Variants in FER observed in about 807,000 individuals in gnomAD.
FER encodes tyrosine-protein kinase Fer.
Under a neutral mutation model 111.0 loss-of-function variants are expected in FER, and 63 were observed. The observed-to-expected ratio is 0.57, with a 90% CI of 0.46 to 0.70. The LOEUF (loss-of-function observed/expected upper bound fraction) is 0.70, where lower values mean the gene tolerates loss of function less well. Ranked by LOEUF, FER falls within the 30% of genes least tolerant of loss-of-function variation. The pLI is 0.00. For missense variants in FER, 914 were observed against 954.0 expected, an observed-to-expected ratio of 0.96 and a Z score of 0.55; for synonymous variants, 327 against 313.9, an observed-to-expected ratio of 1.04 and a Z score of -0.44.
At chr5:108,787,828 G>C (rs527665059) in intron 2 of FER, among the ~76,000 whole-genome samples, 1 of 152,236 alleles carries the variant, frequency 6.6e-6, no homozygotes, top group South Asian at 2.1e-4. Flanking sequence ...CTGCAGAAAG[G>C]ACCTACCCAC....
rs759093787 is a variant in FER, at chr5:109,097,450, A to G, written c.1925-2946A>G. On this transcript the variant is annotated intron_variant, in intron 16 of 19. Transcript: ENST00000281092. The stretch of plus-strand genomic sequence containing the variant: ...TTTGAGCACCAAGATCCTTATTGCA[A>G]TGGTCAGGTAGGATACTGTATGCTA... 1.5e-4 allele frequency among the ~76,000 whole-genome samples: 23 copies of G among 152,062 alleles called. 1 individual carries two copies. The highest frequency in any genetic ancestry group is 2.2e-4 in the Non-Finnish European group (15 of 67,884).
Position 108,906,571 on chromosome 5 carries a change from T to A in FER, c.1236+8723T>A, listed in dbSNP as rs112333963. ...TTTCAAATATTTTTAGTGTTACTAG[T>A]TTATTAGAAGTCTGCTTTTTTCCTT... On this transcript the variant is annotated intron_variant, in intron 10 of 19. Transcript: ENST00000281092. Among the ~76,000 whole-genome samples, 785 of 152,234 alleles carry A rather than the reference T, an allele frequency of 5.2e-3. 6 individuals are homozygous for A. The highest frequency in any genetic ancestry group is 0.018 in the African/African-American group (731 of 41,556).
At chr5:109,004,825 T>A (rs558335486) in intron 13 of FER, among the ~76,000 whole-genome samples, 10 of 152,330 alleles carry the variant, frequency 6.6e-5, no homozygotes, top group Non-Finnish European at 1.0e-4. Context: ...TTAGGTTGTT[T>A]GTTTCATTTG....
intron 14 of FER, among the ~76,000 whole-genome samples, chr5:109,042,824 G>C: frequency 6.6e-6 from 1 of 152,140 alleles, no homozygotes; most frequent in East Asian, 1.9e-4. Flanking sequence ...ACGTATTTAG[G>C]GATCACTATG....
intron 13 of FER, among the ~76,000 whole-genome samples, chr5:109,026,768 T>G (rs1768799283): frequency 6.6e-6 from 1 of 152,166 alleles, no homozygotes; most frequent in Non-Finnish European, 1.5e-5. Context: ...AACTTCCGCC[T>G]CCCGGGTTCA....
intron 17 of FER, among the ~76,000 whole-genome samples, chr5:109,179,546 T>C (rs1758057033): frequency 6.6e-6 from 1 of 152,196 alleles, no homozygotes; most frequent in Non-Finnish European, 1.5e-5. Context: ...CAAGCTCCAC[T>C]TGGTTATTTG....
At chr5:108,898,885 C>T (rs971270656) in intron 10 of FER, among the ~76,000 whole-genome samples, 1 of 151,810 alleles carries the variant, frequency 6.6e-6, no homozygotes, top group Non-Finnish European at 1.5e-5. Flanking sequence ...CAGCCCCTCC[C>T]TTCACACTCC....
intron 13 of FER, among the ~76,000 whole-genome samples, chr5:108,983,666 G>C (rs1484073415): frequency 6.6e-6 from 1 of 152,070 alleles, no homozygotes; most frequent in Non-Finnish European, 1.5e-5. Flanking sequence ...TTACTCATCT[G>C]AAGTCTGTGG....
At chr5:109,033,063 C>T (rs1392450287) in intron 13 of FER, among the ~76,000 whole-genome samples, 1 of 152,192 alleles carries the variant, frequency 6.6e-6, no homozygotes, top group African/African-American at 2.4e-5. Context: ...CAACTCTATT[C>T]ATTCCTATTG....
intron 13 of FER, among the ~76,000 whole-genome samples, chr5:109,009,722 G>T (rs1434772388): frequency 1.3e-5 from 2 of 152,172 alleles, no homozygotes; most frequent in Non-Finnish European, 1.5e-5. Flanking sequence ...TGTTTCTCAT[G>T]ATTCTTTGGG....
chr5:108,963,900 T>C (rs569199190), intron 13 of FER, among the ~76,000 whole-genome samples: 7 of 152,334 alleles, frequency 4.6e-5, no homozygotes, highest in South Asian at 2.1e-4. Context: ...ACATCTGATA[T>C]AGCTTGCCTT....
chr5:108,945,767 T>A (rs1756903593), intron 10 of FER, among the ~76,000 whole-genome samples: 1 of 152,070 alleles, frequency 6.6e-6, no homozygotes, highest in Non-Finnish European at 1.5e-5. Flanking sequence ...TCCGAAATAG[T>A]CTGTTAAATA....
At chr5:108,780,875 G>T (rs1372062786) in intron 2 of FER, among the ~76,000 whole-genome samples, 1 of 149,294 alleles carries the variant, frequency 6.7e-6, no homozygotes, top group Admixed American at 6.7e-5. Flanking sequence ...TATCTATTGG[G>T]ATATCCCTTA....
chr5:108,879,701 A>AAAAAAT, intron 8 of FER, among the ~76,000 whole-genome samples: 5 of 99,096 alleles, frequency 5.0e-5, no homozygotes, highest in East Asian at 2.2e-4. Flanking sequence ...ATTAAAAAAA[A>AAAAAAT]ATATATATAT....
At chr5:108,852,128 A>G (rs1762598311) in intron 5 of FER, among the ~76,000 whole-genome samples, 2 of 152,252 alleles carry the variant, frequency 1.3e-5, no homozygotes, top group South Asian at 2.1e-4. Flanking sequence ...CTAAGCAGAC[A>G]GAGTAAGAGG....
At chr5:108,871,626 T>A in intron 7 of FER, 124 bp downstream of exon 7, 1 of 629,616 alleles carries the variant, frequency 1.6e-6, no homozygotes, top group Non-Finnish European at 2.4e-6. Context: ...TATTTCATAT[T>A]AATTTATCTG....
At chr5:109,118,279 G>A (rs574801432) in intron 17 of FER, among the ~76,000 whole-genome samples, 14 of 151,982 alleles carry the variant, frequency 9.2e-5, no homozygotes, top group South Asian at 2.1e-4. Flanking sequence ...GGTTTTTGTC[G>A]TTGGTTCTGT....
At chr5:108,915,349 G>C (rs576688214) in intron 10 of FER, among the ~76,000 whole-genome samples, 1 of 152,244 alleles carries the variant, frequency 6.6e-6, no homozygotes, top group East Asian at 1.9e-4. Flanking sequence ...GGTGTCACCT[G>C]TAATCCCAGC....
At chr5:108,875,487 A>G (rs1360006583) in intron 8 of FER, among the ~76,000 whole-genome samples, 1 of 152,154 alleles carries the variant, frequency 6.6e-6, no homozygotes, top group Non-Finnish European at 1.5e-5. Context: ...TTAAAATTAT[A>G]TATGCAAATA....
Sources: allele counts gnomAD v4.1 joint callset (sites outside exome capture counted in the v4.1 genomes callset), GRCh38; gene constraint gnomAD v4.1.1; transcripts MANE v1.5; gene names NCBI Gene and HGNC (gene_info 2026-07-23, HGNC 2026-07-21).